Variants in CDH12 observed in about 807,000 individuals in gnomAD.
CDH12 encodes cadherin-12.
In CDH12, 41 loss-of-function variants were observed where a neutral mutation model predicts 74.1. The ratio of observed to expected loss-of-function variants is 0.55; its 90% CI spans 0.43 to 0.72. The LOEUF is 0.72. Ranked by LOEUF, CDH12 falls within the 30% of genes least tolerant of loss-of-function variation. The pLI is 0.00. For synonymous variants in CDH12, 399 were observed against 355.0 expected (o/e 1.12, Z -1.39); for missense variants, 945 against 977.2 (o/e 0.97, Z 0.44).
At chr5:22,796,687 T>C (rs1252543858) in intron 1 of CDH12, among the ~76,000 whole-genome samples, 4 of 132,926 alleles carry the variant, frequency 3.0e-5, no homozygotes, top group Non-Finnish European at 4.7e-5. Context: ...GCCCGGCTAA[T>C]TTTTTTGTAT....
At chr5:22,265,222 C>T (rs573058559) in intron 3 of CDH12, among the ~76,000 whole-genome samples, 1 of 152,174 alleles carries the variant, frequency 6.6e-6, no homozygotes, top group East Asian at 1.9e-4. Flanking sequence ...GGTTAGAATG[C>T]TTAGGAAAAT....
At chr5:21,825,357 AGT>A in intron 8 of CDH12, among the ~76,000 whole-genome samples, 1 of 152,220 alleles carries the variant, frequency 6.6e-6, no homozygotes. Flanking sequence ...TTTCAATTGA[AGT>A]GTCCTTCATC....
chr5:22,226,351 A>G (rs948329132), intron 3 of CDH12, among the ~76,000 whole-genome samples: 2 of 152,010 alleles, frequency 1.3e-5, no homozygotes, highest in African/African-American at 4.8e-5. Context: ...TGCACCCTAT[A>G]AAAACAGTGT....
chr5:22,658,046 A>C (rs146430552), intron 1 of CDH12, among the ~76,000 whole-genome samples: 108 of 152,336 alleles, frequency 7.1e-4, no homozygotes, highest in African/African-American at 2.5e-3. Flanking sequence ...GAAAATGAAA[A>C]TAACAAAGAA....
At chr5:21,993,816 C>T (rs1736109770) in intron 5 of CDH12, among the ~76,000 whole-genome samples, 1 of 151,732 alleles carries the variant, frequency 6.6e-6, no homozygotes, top group African/African-American at 2.4e-5. Flanking sequence ...TTTTCAGCTG[C>T]TAAGTTTATG....
intron 1 of CDH12, among the ~76,000 whole-genome samples, chr5:22,523,755 TC>T (rs1234014927): frequency 2.0e-5 from 3 of 152,048 alleles, no homozygotes. Context: ...GTTAACGCCT[TC>T]CCAGACTATT....
intron 6 of CDH12, among the ~76,000 whole-genome samples, chr5:21,886,472 A>G (rs894732599): frequency 6.8e-6 from 1 of 147,472 alleles, no homozygotes; most frequent in Admixed American, 6.8e-5. Flanking sequence ...CCTCATATAT[A>G]TGAGGAAAAA....
At chr5:22,049,251 T>C (rs1434924591) in intron 5 of CDH12, among the ~76,000 whole-genome samples, 1 of 151,696 alleles carries the variant, frequency 6.6e-6, no homozygotes, top group Non-Finnish European at 1.5e-5. Context: ...TATCCAGAAT[T>C]CAGCAACTCT....
chr5:21,833,096 A>G (rs1749201001), intron 8 of CDH12, among the ~76,000 whole-genome samples: 1 of 68,904 alleles, frequency 1.5e-5, no homozygotes, highest in Non-Finnish European at 2.6e-5. Context: ...ATAAATATAT[A>G]TTATATATTA....
intron 3 of CDH12, among the ~76,000 whole-genome samples, chr5:22,285,126 A>T (rs1002767202): frequency 6.6e-6 from 1 of 152,178 alleles, no homozygotes; most frequent in Non-Finnish European, 1.5e-5. Context: ...TCTTTACTCA[A>T]AGTGGGATAG....
At chr5:22,683,372 A>G (rs1314737152) in intron 1 of CDH12, among the ~76,000 whole-genome samples, 1 of 152,176 alleles carries the variant, frequency 6.6e-6, no homozygotes, top group East Asian at 1.9e-4. Context: ...TATTTCAGTC[A>G]ATACTGTTAA....
Position 22,232,278 on chromosome 5 carries a change from C to T in CDH12, c.-332-19635G>A, listed in dbSNP as rs147012899. The stretch of plus-strand genomic sequence containing the variant: ...AAAATTTTAAACGTTTTCCTAAGAA[C>T]GATATGTAACAATATGATTTTTTTA... On this transcript the variant is annotated intron_variant, in intron 3 of 14. Transcript: ENST00000382254. Among the ~76,000 whole-genome samples the T allele has an allele frequency of 1.5e-3, 231 of 151,732 alleles. 1 individual carries two copies. The highest frequency in any genetic ancestry group is 2.4e-3 in the Non-Finnish European group (165 of 67,734).
intron 1 of CDH12, among the ~76,000 whole-genome samples, chr5:22,649,724 A>G (rs886124858): frequency 1.3e-5 from 2 of 152,018 alleles, no homozygotes; most frequent in Non-Finnish European, 2.9e-5. Flanking sequence ...TGCTAATAGT[A>G]TGAGTTTTCT....
chr5:22,181,093 G>A (rs1396068408), intron 4 of CDH12, among the ~76,000 whole-genome samples: 1 of 151,944 alleles, frequency 6.6e-6, no homozygotes, highest in Non-Finnish European at 1.5e-5. Context: ...TCCCTCACAA[G>A]CAAAATTATC....
intron 6 of CDH12, among the ~76,000 whole-genome samples, chr5:21,939,458 T>G (rs554185823): frequency 6.6e-6 from 1 of 151,844 alleles, no homozygotes. Context: ...CAATTAAATT[T>G]AACATGCTTT....
At chr5:21,819,650 T>A (rs1371712847) in intron 8 of CDH12, among the ~76,000 whole-genome samples, 1 of 151,964 alleles carries the variant, frequency 6.6e-6, no homozygotes, top group Non-Finnish European at 1.5e-5. Flanking sequence ...GTACTAGAAA[T>A]CCTTCTTGAT....
intron 1 of CDH12, among the ~76,000 whole-genome samples, chr5:22,718,007 C>T (rs369912724): frequency 3.9e-5 from 6 of 151,994 alleles, no homozygotes; most frequent in African/African-American, 9.7e-5. Flanking sequence ...AAGTACAGCC[C>T]GAGAATCAGC....
At chr5:22,031,977 A>G (rs984716587) in intron 5 of CDH12, among the ~76,000 whole-genome samples, 2 of 152,224 alleles carry the variant, frequency 1.3e-5, no homozygotes, top group South Asian at 4.1e-4. Flanking sequence ...GACTTGCTCA[A>G]TGCAGGGTTG....
rs529634896 is a variant in CDH12, at chr5:22,601,759, G to A, written c.-522-96395C>T. ...AAATCAAATGAATCTAGAGGCCCTA[G>A]ATGAACCTTTCAAAGGGGTAGATTT... On this transcript the variant is annotated intron_variant, in intron 1 of 14. Transcript: ENST00000382254. Among the ~76,000 whole-genome samples the A allele has an allele frequency of 1.1e-4, 16 of 152,144 alleles. No homozygotes were observed. The South Asian group carries it at 3.3e-3, about 32-fold the overall frequency.
Sources: gnomAD v4.1 joint callset for allele counts (sites outside exome capture counted in the v4.1 genomes callset) on GRCh38, gnomAD v4.1.1 for gene constraint, MANE v1.5 for transcripts, NCBI Gene and HGNC (gene_info 2026-07-23, HGNC 2026-07-21) for gene names.